Variants in PCDH9 observed in about 807,000 individuals in gnomAD.
PCDH9 encodes the protein protocadherin 9.
In PCDH9, 24 loss-of-function variants were observed where a neutral mutation model predicts 70.6. The observed-to-expected ratio is 0.34, with a 90% CI of 0.25 to 0.48. The LOEUF is 0.48. Among genes scored for constraint, PCDH9 ranks in the 20% least tolerant of loss-of-function variants. PCDH9 has a pLI of 0.99. For missense variants in PCDH9, 1,281 were observed against 1,503.6 expected (o/e 0.85, Z 2.45); for synonymous variants, 562 against 558.5 (o/e 1.01, Z -0.09).
intron 4 of PCDH9, among the ~76,000 whole-genome samples, chr13:66,599,909 A>C (rs961655825): frequency 6.6e-6 from 1 of 151,842 alleles, no homozygotes; most frequent in African/African-American, 2.4e-5. Context: ...TTATTATGGG[A>C]GATTTCAGAA....
In PCDH9 at chr13:66,898,954, T is replaced by C. The variant is rs1594227859; in HGVS notation, c.3138+4550A>G. On this transcript the variant is annotated intron_variant, in intron 3 of 4. Coordinates refer to ENST00000377865, the MANE Select transcript of PCDH9 (RefSeq NM_203487.3). ...ACTTTATCTTAATGTGGAGGGAAAT[T>C]AGACTTACCTTGAAGACAGTTGTCT... Among the ~76,000 whole-genome samples the C allele has an allele frequency of 2.6e-5, 4 of 152,044 alleles. No individual in the cohort carries two copies. The South Asian group carries it at 8.3e-4, about 32-fold the overall frequency.
intron 3 of PCDH9, among the ~76,000 whole-genome samples, chr13:66,849,348 CA>C (rs2081269733): frequency 6.6e-6 from 1 of 151,728 alleles, no homozygotes; most frequent in Non-Finnish European, 1.5e-5. Context: ...GATGAATTAT[CA>C]GGTTTGTATC....
At chr13:67,216,681 A>AAAATATATATATATATATATATATAT (rs1555321507) in intron 2 of PCDH9, 2 of 19,710 alleles carry the variant, frequency 1.0e-4, no homozygotes, top group Non-Finnish European at 1.7e-4. Context: ...TGTCTTAAGC[A>AAAATATATATATATATATATATATAT]ACATATATAT....
chr13:67,074,219 G>A (rs1020784705), intron 2 of PCDH9, among the ~76,000 whole-genome samples: 5 of 151,992 alleles, frequency 3.3e-5, no homozygotes, highest in Non-Finnish European at 7.4e-5. Context: ...AGGAGGTGGG[G>A]GTTTTTGTAG....
intron 3 of PCDH9, among the ~76,000 whole-genome samples, chr13:66,632,878 T>C (rs763763205): frequency 6.6e-6 from 1 of 151,958 alleles, no homozygotes; most frequent in Non-Finnish European, 1.5e-5. Flanking sequence ...ATATATAATA[T>C]ACAAGTATAT....
intron 3 of PCDH9, among the ~76,000 whole-genome samples, chr13:66,654,291 G>A (rs573045567): frequency 7.2e-5 from 11 of 152,214 alleles, no homozygotes; most frequent in Non-Finnish European, 1.0e-4. Flanking sequence ...GAGATAGAGC[G>A]TAGAAGAATG....
At chr13:66,593,466 G>A (rs2077061902) in intron 4 of PCDH9, among the ~76,000 whole-genome samples, 1 of 151,702 alleles carries the variant, frequency 6.6e-6, no homozygotes, top group Non-Finnish European at 1.5e-5. Flanking sequence ...GTCTAAAGCT[G>A]AATAAAGATG....
Position 66,805,850 on chromosome 13 carries a change from G to C in PCDH9, c.3138+97654C>G, listed in dbSNP as rs115437024. 6.2e-3 allele frequency among the ~76,000 whole-genome samples: 937 copies of C among 152,212 alleles called. 9 individuals carry two copies. The highest frequency in any genetic ancestry group is 0.022 in the African/African-American group (895 of 41,550). Reference sequence around the variant, plus strand: ...TTTTGGCTTAGCAGAGTTGATAAAAGGTTGCCAAATACCACAGTAGTTCAT... The same window carrying C: ...TTTTGGCTTAGCAGAGTTGATAAAACGTTGCCAAATACCACAGTAGTTCAT... On this transcript the variant is annotated intron_variant, in intron 3 of 4. Transcript: ENST00000377865.
intron 3 of PCDH9, among the ~76,000 whole-genome samples, chr13:66,814,088 A>T (rs905428589): frequency 2.0e-5 from 3 of 152,172 alleles, no homozygotes; most frequent in Non-Finnish European, 4.4e-5. Flanking sequence ...GACAGGAAAA[A>T]GTAGACACCA....
chr13:67,165,632 GA>G (rs907861069), intron 2 of PCDH9, among the ~76,000 whole-genome samples: 17 of 147,362 alleles, frequency 1.2e-4, no homozygotes, highest in Admixed American at 6.8e-4. Context: ...CCCCCTCCAG[GA>G]AAAAAAAAAG....
chr13:66,464,333 G>A (rs1194219059), intron 4 of PCDH9, among the ~76,000 whole-genome samples: 1 of 151,692 alleles, frequency 6.6e-6, no homozygotes, highest in Non-Finnish European at 1.5e-5. Flanking sequence ...GAAAACGGAA[G>A]GCTTCAGAAG....
chr13:66,453,778 G>GT (rs1958262938), intron 4 of PCDH9, among the ~76,000 whole-genome samples: 1 of 152,082 alleles, frequency 6.6e-6, no homozygotes, highest in Non-Finnish European at 1.5e-5. Flanking sequence ...GGCCAAAGCT[G>GT]TTTTGCAAAA....
chr13:66,895,699 C>G (rs180854609), intron 3 of PCDH9, among the ~76,000 whole-genome samples: 1 of 152,350 alleles, frequency 6.6e-6, no homozygotes, highest in African/African-American at 2.4e-5. Context: ...ATTTTCCTCT[C>G]ACTCTCACAG....
intron 4 of PCDH9, among the ~76,000 whole-genome samples, chr13:66,530,097 T>C (rs1166481513): frequency 6.6e-6 from 1 of 152,084 alleles, no homozygotes; most frequent in Admixed American, 6.6e-5. Context: ...TGGAGTTTAT[T>C]AAGAAATGAT....
intron 2 of PCDH9, among the ~76,000 whole-genome samples, chr13:67,152,542 C>T (rs1484811326): frequency 6.6e-6 from 1 of 152,128 alleles, no homozygotes; most frequent in Admixed American, 6.6e-5. Flanking sequence ...AATCGAATCC[C>T]CTTAGACATA....
At chr13:67,197,741 A>G (rs1237527044) in intron 2 of PCDH9, among the ~76,000 whole-genome samples, 1 of 151,980 alleles carries the variant, frequency 6.6e-6, no homozygotes, top group African/African-American at 2.4e-5. Context: ...ATCGATAACC[A>G]TTTATATGCT....
At chr13:66,800,866 T>C (rs991582247) in intron 3 of PCDH9, among the ~76,000 whole-genome samples, 1 of 152,138 alleles carries the variant, frequency 6.6e-6, no homozygotes, top group East Asian at 1.9e-4. Context: ...TTTAGGGTTC[T>C]TGTGAAGATC....
chr13:67,210,184 T>G (rs1024125930), intron 2 of PCDH9: 4 of 152,058 alleles, frequency 2.6e-5, no homozygotes, highest in Non-Finnish European at 5.9e-5. Context: ...ATAATGATTT[T>G]AAGTTCATGG....
intron 2 of PCDH9, among the ~76,000 whole-genome samples, chr13:67,062,673 T>C (rs1470899320): frequency 5.9e-5 from 9 of 152,152 alleles, no homozygotes; most frequent in Admixed American, 5.2e-4. Flanking sequence ...CAAAATTGTA[T>C]ACAGATATAT....
Sources: allele counts gnomAD v4.1 joint callset (sites outside exome capture counted in the v4.1 genomes callset), GRCh38; gene constraint gnomAD v4.1.1; transcripts MANE v1.5; gene names NCBI Gene and HGNC (gene_info 2026-07-23, HGNC 2026-07-21).